FHIP1A: variants seen among roughly 807,000 people sequenced by gnomAD.
FHIP1A encodes the protein FHF complex subunit HOOK interacting protein 1A, also known as FHF complex subunit HOOK-interacting protein 1A.
A neutral mutation model predicts 88.6 loss-of-function variants in FHIP1A; 61 were observed. The observed-to-expected ratio is 0.69, with a 90% confidence interval of 0.56 to 0.85. FHIP1A has a LOEUF of 0.85. Ranked by LOEUF, FHIP1A falls within the 40% of genes least tolerant of loss-of-function variation. The probability of loss-of-function intolerance (pLI) is 0.00; values close to 1 mark genes in which losing one functional copy is unlikely to be tolerated. For missense variants in FHIP1A, 1,154 were observed against 1,273.5 expected, an observed-to-expected ratio of 0.91 and a Z score of 1.43; for synonymous variants, 478 against 496.0, an observed-to-expected ratio of 0.96 and a Z score of 0.48.
At chr4:151,636,039 A>T (rs1304106242) in intron 8 of FHIP1A, among the ~76,000 whole-genome samples, 8 of 151,980 alleles carry the variant, frequency 5.3e-5, no homozygotes, top group Admixed American at 5.2e-4. Context: ...CTCTACACTA[A>T]CATCTACTAT....
chr4:151,537,112 A>G (rs952473272), intron 3 of FHIP1A, among the ~76,000 whole-genome samples: 4 of 152,070 alleles, frequency 2.6e-5, no homozygotes, highest in Non-Finnish European at 5.9e-5. Context: ...TCCTGGGCTT[A>G]TGTGATCCTC....
Position 151,669,428 on chromosome 4 carries a change from T to C in FHIP1A, c.*6674T>C, listed in dbSNP as rs1737781434. Among the ~76,000 whole-genome samples the C allele has an allele frequency of 6.6e-6, 1 of 152,238 alleles. No homozygotes were observed. The highest frequency in any genetic ancestry group is 2.1e-4 in the South Asian group (1 of 4,838). On this transcript the variant is annotated 3_prime_UTR_variant, in exon 14 of 14. Transcript: ENST00000435205. ...CACCCCCTTTTAAGTAAGCCTTTAA[T>C]TTTAAATGGTCTGGAAAGATCTTCG...
chr4:151,477,402 T>C (rs1048924962), intron 2 of FHIP1A, among the ~76,000 whole-genome samples: 2 of 152,102 alleles, frequency 1.3e-5, no homozygotes, highest in Admixed American at 1.3e-4. Context: ...AAATATAAAC[T>C]AGATTGTAGA....
chr4:151,498,749 A>G (rs1730549527), intron 3 of FHIP1A, among the ~76,000 whole-genome samples: 1 of 152,178 alleles, frequency 6.6e-6, no homozygotes, highest in Non-Finnish European at 1.5e-5. Context: ...CAGGAGGCAG[A>G]GCTTGGCAGT....
At chr4:151,477,302 A>T (rs1297960840) in intron 2 of FHIP1A, among the ~76,000 whole-genome samples, 1 of 152,204 alleles carries the variant, frequency 6.6e-6, no homozygotes, top group Non-Finnish European at 1.5e-5. Context: ...TAACTGAGGG[A>T]TAACCAGGTA....
chr4:151,612,374 AT>A, intron 7 of FHIP1A, among the ~76,000 whole-genome samples: 1 of 152,000 alleles, frequency 6.6e-6, no homozygotes, highest in South Asian at 2.1e-4. Context: ...GGGTACCCAT[AT>A]GTTTTTGTTT....
rs569126288 is a variant in FHIP1A at position 151,545,369 on chromosome 4, C to CTTTTT, written c.-122-20747_-122-20743dup. The stretch of plus-strand genomic sequence containing the variant: ...CAAGGCAAAATATTTCCTTATCCTT[C>CTTTTT]TTTTTTTTTTTTTTTTTTTTTTTTT... On this transcript the variant is annotated intron_variant, in intron 3 of 13. Coordinates refer to ENST00000435205, the MANE Select transcript of FHIP1A (RefSeq NM_001109977.3). 4.5e-4 allele frequency among the ~76,000 whole-genome samples: 37 copies of CTTTTT among 81,686 alleles called. 1 individual carries two copies. The highest frequency in any genetic ancestry group is 1.3e-3 in the African/African-American group (26 of 19,654). The allele number at this position is 81,686 out of a possible 152,430, so 53.6% of individuals were successfully genotyped here.
chr4:151,514,486 A>AT (rs1407290113), intron 3 of FHIP1A, among the ~76,000 whole-genome samples: 1 of 151,662 alleles, frequency 6.6e-6, no homozygotes, highest in Non-Finnish European at 1.5e-5. Context: ...AGACACAAAA[A>AT]ACCCTTCAAA....
In FHIP1A at chr4:151,611,131, A is replaced by G. The variant is rs528122271; in HGVS notation, c.979-18571A>G. ...GCTATGAGAGAGAAAACTAATGAGA[A>G]CTGTAGTGGTCAGGTTAGGTTGATG... On this transcript the variant is annotated intron_variant, in intron 7 of 13. Coordinates refer to ENST00000435205, the MANE Select transcript of FHIP1A (RefSeq NM_001109977.3). Among the ~76,000 whole-genome samples the G allele has an allele frequency of 8.6e-5, 13 of 151,942 alleles. No individual in the cohort carries two copies. The South Asian group carries it at 2.7e-3, about 32-fold the overall frequency.
At chr4:151,427,575 G>A (rs925216952) in intron 1 of FHIP1A, among the ~76,000 whole-genome samples, 3 of 152,030 alleles carry the variant, frequency 2.0e-5, no homozygotes, top group Non-Finnish European at 4.4e-5. Flanking sequence ...CATACAATCT[G>A]TAAGGATGAC....
intron 3 of FHIP1A, among the ~76,000 whole-genome samples, chr4:151,526,183 C>T (rs986219508): frequency 6.8e-4 from 104 of 152,226 alleles, no homozygotes; most frequent in African/African-American, 2.3e-3. Flanking sequence ...GGCAACCATC[C>T]GATTTCTCAA....
intron 4 of FHIP1A, among the ~76,000 whole-genome samples, chr4:151,569,361 G>A (rs1733510460): frequency 6.6e-6 from 1 of 152,070 alleles, no homozygotes; most frequent in African/African-American, 2.4e-5. Context: ...AGACCAACCT[G>A]GCCAACATAG....
At chr4:151,515,772 A>G (rs953645797) in intron 3 of FHIP1A, among the ~76,000 whole-genome samples, 15 of 152,214 alleles carry the variant, frequency 9.9e-5, no homozygotes, top group Admixed American at 6.5e-5. Flanking sequence ...AAGGAGAACT[A>G]CAAACCACTG....
chr4:151,536,178 G>C (rs1266404212), intron 3 of FHIP1A, among the ~76,000 whole-genome samples: 6 of 152,158 alleles, frequency 3.9e-5, no homozygotes, highest in Non-Finnish European at 8.8e-5. Flanking sequence ...TAATTATACA[G>C]AGAGATCCTT....
intron 7 of FHIP1A, among the ~76,000 whole-genome samples, chr4:151,597,281 G>A (rs1734686456): frequency 6.6e-6 from 1 of 152,090 alleles, no homozygotes. Flanking sequence ...TAACAGTCAG[G>A]CCCCTCTGCT....
intron 7 of FHIP1A, among the ~76,000 whole-genome samples, chr4:151,617,089 A>G (rs1735568520): frequency 6.6e-6 from 1 of 152,134 alleles, no homozygotes; most frequent in Admixed American, 6.5e-5. Flanking sequence ...TCCCAGGAGA[A>G]GAGAGGAAGG....
At chr4:151,417,418 C>T (rs745487820) in intron 1 of FHIP1A, among the ~76,000 whole-genome samples, 20 of 152,132 alleles carry the variant, frequency 1.3e-4, no homozygotes, top group Non-Finnish European at 2.4e-4. Context: ...GGAAAGTGAC[C>T]AATCAGAGGC....
At chr4:151,574,290 A>G (rs1275206700) in intron 4 of FHIP1A, among the ~76,000 whole-genome samples, 1 of 152,238 alleles carries the variant, frequency 6.6e-6, no homozygotes, top group Admixed American at 6.5e-5. Flanking sequence ...TAAGGGAACT[A>G]CTATAAAGAG....
intron 5 of FHIP1A, among the ~76,000 whole-genome samples, chr4:151,585,949 G>A (rs377719104): frequency 2.0e-5 from 3 of 152,006 alleles, no homozygotes; most frequent in Non-Finnish European, 2.9e-5. Flanking sequence ...TGATGCCTCC[G>A]TGTAGACTCA....
Sources: gnomAD v4.1 joint callset for allele counts (sites outside exome capture counted in the v4.1 genomes callset) on GRCh38, gnomAD v4.1.1 for gene constraint, MANE v1.5 for transcripts, NCBI Gene and HGNC (gene_info 2026-07-23, HGNC 2026-07-21) for gene names.